Variants in FAM13C observed in about 807,000 individuals in gnomAD.
FAM13C encodes the protein protein FAM13C.
A neutral mutation model predicts 73.2 loss-of-function variants in FAM13C; 37 were observed. That is an observed-to-expected ratio of 0.51 (90% CI 0.39 to 0.67). The LOEUF (loss-of-function observed/expected upper bound fraction) is 0.67. Among genes scored for constraint, FAM13C ranks in the 30% least tolerant of loss-of-function variants. The pLI is 0.00. For missense variants in FAM13C, 589 were observed against 715.6 expected, an observed-to-expected ratio of 0.82 and a Z score of 2.02; for synonymous variants, 246 against 260.9, an observed-to-expected ratio of 0.94 and a Z score of 0.55.
intron 5 of FAM13C, among the ~76,000 whole-genome samples, chr10:59,295,825 G>C (rs1341502615): frequency 2.6e-5 from 4 of 152,178 alleles, no homozygotes; most frequent in Admixed American, 2.6e-4. Flanking sequence ...GATAGAAATA[G>C]ATGGCATCTC....
intron 4 of FAM13C, among the ~76,000 whole-genome samples, chr10:59,312,265 CAA>C (rs1849019783): frequency 6.6e-6 from 1 of 152,152 alleles, no homozygotes; most frequent in Admixed American, 6.5e-5. Flanking sequence ...TCTTGGAACA[CAA>C]GAATATTTTT....
rs140430636 is a variant in FAM13C at position 59,262,543 on chromosome 10, G to A, written c.1127C>T (p.Pro376Leu). ...GCTTGGCTCCGGGCCCGCAGCTTCC[G>A]GTTTCCCATTTTCTCTGGGGACTGT... ...QPTVPRENGK[P>L]EAAGPEPSSS... Residue 376 changes from proline to leucine, a missense_variant, in exon 10 of 14, where the codon CCG becomes CTG. Transcript: ENST00000618804. 2,623 of 1,613,728 alleles carry A rather than the reference G, an allele frequency of 1.6e-3. 14 individuals carry two copies. The Middle Eastern group carries it at 0.017, about 10-fold the overall frequency.
chr10:59,319,072 AACACACACACACACACAC>A (rs59965630), intron 4 of FAM13C, among the ~76,000 whole-genome samples: 7 of 134,574 alleles, frequency 5.2e-5, no homozygotes, highest in African/African-American at 1.4e-4. Context: ...TAGCTATTCA[AACACACACACACACACAC>A]ACACACACAC....
At chr10:59,289,091 GATGAA>G (rs781591541) in intron 5 of FAM13C, among the ~76,000 whole-genome samples, 26 of 152,190 alleles carry the variant, frequency 1.7e-4, no homozygotes, top group Non-Finnish European at 3.4e-4. Context: ...ATTGTTTTGG[GATGAA>G]ACTGTTCCAC....
intron 5 of FAM13C, among the ~76,000 whole-genome samples, chr10:59,289,216 C>A (rs1163214919): frequency 1.3e-5 from 2 of 152,186 alleles, no homozygotes; most frequent in African/African-American, 2.4e-5. Flanking sequence ...CACCACTGAT[C>A]TGACAGGAGG....
chr10:59,286,525 A>G (rs1198988332), intron 5 of FAM13C, among the ~76,000 whole-genome samples: 2 of 140,406 alleles, frequency 1.4e-5, no homozygotes, highest in African/African-American at 2.6e-5. Flanking sequence ...AAATATATAT[A>G]TATATATATA....
intron 13 of FAM13C, 57 bp from the exon 14 acceptor site, chr10:59,247,794 T>C: frequency 1.3e-6 from 2 of 1,543,680 alleles, no homozygotes; most frequent in Non-Finnish European, 1.8e-6. Flanking sequence ...TATTTAAACA[T>C]TCTTTTATAA....
intron 2 of FAM13C, among the ~76,000 whole-genome samples, chr10:59,352,793 C>G (rs1252921766): frequency 3.9e-5 from 6 of 152,162 alleles, no homozygotes; most frequent in African/African-American, 1.4e-4. Context: ...CCTCTCACAA[C>G]AGTAATGTGA....
chr10:59,330,043 A>T (rs1200535847), intron 3 of FAM13C, among the ~76,000 whole-genome samples: 2 of 152,322 alleles, frequency 1.3e-5, no homozygotes, highest in East Asian at 3.9e-4. Flanking sequence ...GAGTATTTCC[A>T]TTCACCAGCT....
At chr10:59,330,915 A>G (rs1322699360) in intron 3 of FAM13C, among the ~76,000 whole-genome samples, 4 of 152,198 alleles carry the variant, frequency 2.6e-5, no homozygotes. Context: ...CCCTGACCTT[A>G]GAACCAGCCT....
At chr10:59,321,439 T>A (rs1442705786) in intron 4 of FAM13C, among the ~76,000 whole-genome samples, 17 of 139,598 alleles carry the variant, frequency 1.2e-4, no homozygotes, top group African/African-American at 5.1e-4. Flanking sequence ...CACCTTTTTT[T>A]TTTTTTTTTT....
At position 59,362,313 on chromosome 10, in the gene FAM13C, G is replaced by T. The variant is rs546928608; in HGVS notation, c.62+86C>A. 28 of 1,537,666 alleles carry T rather than the reference G, an allele frequency of 1.8e-5. No individual in the cohort carries two copies. The South Asian group carries it at 2.5e-4, about 14-fold the overall frequency. On this transcript the variant is annotated intron_variant, in intron 1 of 13. Coordinates refer to ENST00000618804, the MANE Select transcript of FAM13C (RefSeq NM_198215.4). The stretch of plus-strand genomic sequence containing the variant: ...AGACAATGCATCTAAAACGAACAGC[G>T]GCTGGGAACGGTGGAGGATACCTTC...
At chr10:59,312,884 T>G (rs1228194863) in intron 4 of FAM13C, among the ~76,000 whole-genome samples, 2 of 152,194 alleles carry the variant, frequency 1.3e-5, no homozygotes, top group Non-Finnish European at 2.9e-5. Context: ...AAATTGGTTC[T>G]TAGTCCTCTT....
rs188164329 is a variant in FAM13C, at chr10:59,307,640, C to T, written c.444-4776G>A. Among the ~76,000 whole-genome samples the T allele has an allele frequency of 1.1e-3, 160 of 152,296 alleles. 1 individual carries two copies. The highest frequency in any genetic ancestry group is 0.01 in the Middle Eastern group (3 of 294). On this transcript the variant is annotated intron_variant, in intron 4 of 13. Transcript: ENST00000618804. ...AACAAAGCAGTGGATAAAATAAAGT[C>T]TGCCCTTGTGGAACTTATATTCTCA...
In FAM13C at chr10:59,343,273, G is replaced by T. The variant is rs557394196; in HGVS notation, c.324+8997C>A. Among the ~76,000 whole-genome samples the T allele has an allele frequency of 2.6e-5, 4 of 152,338 alleles. No homozygotes were observed. In the South Asian group the frequency reaches 8.3e-4, roughly 32 times the overall value. ...GAAGGGATGCTTCTACAAAACTTCA[G>T]TTCCTGTTCAAAACAATAATATAAT... On this transcript the variant is annotated intron_variant, in intron 3 of 13. Transcript: ENST00000618804.
At chr10:59,279,597 T>C (rs933770404) in intron 6 of FAM13C, among the ~76,000 whole-genome samples, 1 of 152,218 alleles carries the variant, frequency 6.6e-6, no homozygotes, top group African/African-American at 2.4e-5. Context: ...CAAAGGCTAC[T>C]ATGCTGAGTC....
At chr10:59,288,481 A>G (rs1012427392) in intron 5 of FAM13C, among the ~76,000 whole-genome samples, 1 of 149,358 alleles carries the variant, frequency 6.7e-6, no homozygotes. Flanking sequence ...CAACAGGGGG[A>G]AAAAGAAGAA....
intron 4 of FAM13C, among the ~76,000 whole-genome samples, chr10:59,305,407 A>C (rs895426590): frequency 8.5e-5 from 13 of 152,212 alleles, no homozygotes; most frequent in Non-Finnish European, 1.5e-4. Flanking sequence ...CCTTATAAAA[A>C]GGCCAGTTAT....
Position 59,295,649 on chromosome 10 carries a change from A to T in FAM13C, c.507+7152T>A, listed in dbSNP as rs1846826384. 3.3e-5 allele frequency among the ~76,000 whole-genome samples: 5 copies of T among 152,352 alleles called. 1 individual carries two copies. In the South Asian group the frequency reaches 1.0e-3, roughly 32 times the overall value. On this transcript the variant is annotated intron_variant, in intron 5 of 13. Transcript: ENST00000618804. Reference sequence around the variant, plus strand: ...TTGAGTCCACCCACATTTCTGACCTACATAACTGTAAGCTAATAAATAAAT... The same window carrying T: ...TTGAGTCCACCCACATTTCTGACCTTCATAACTGTAAGCTAATAAATAAAT...
Sources: gnomAD v4.1 joint callset for allele counts (sites outside exome capture counted in the v4.1 genomes callset) on GRCh38, gnomAD v4.1.1 for gene constraint, MANE v1.5 for transcripts, NCBI Gene and HGNC (gene_info 2026-07-23, HGNC 2026-07-21) for gene names.